Variants in NUP62 observed in about 807,000 individuals in gnomAD.
The protein encoded by NUP62 is nucleoporin 62.
For missense variants in NUP62, 647 were observed against 689.4 expected (o/e 0.94, Z 0.69); for synonymous variants, 305 against 303.4 (o/e 1.01, Z -0.05).
At position 49,909,039 on chromosome 19, in the gene NUP62, T is replaced by G; in HGVS notation, c.769A>C (p.Ser257Arg). ...GAPTAGTQGF[S>R]LKAPGAASGT... ...GAAGCTGCTCCAGGTGCCTTTAAGC[T>G]GAAGCCCTGTGTCCCAGCAGTGGGG... The change falls in exon 3 of 3, where the codon AGC (serine) becomes CGC (arginine). Residue 257 changes from serine (S) to arginine (R), a missense_variant. Ser to Arg is a moderately radical substitution (Grantham distance 110). Coordinates refer to ENST00000352066, the MANE Select transcript of NUP62 (RefSeq NM_016553.5). 1 of 1,613,116 alleles carries G rather than the reference T, an allele frequency of 6.2e-7. No individual in the cohort carries two copies. Among genetic ancestry groups the G allele is most frequent in the Non-Finnish European group, 8.5e-7 (1 of 1,179,998 alleles).
Position 49,908,240 on chromosome 19 carries a change from C to T in NUP62, c.1568G>A (p.Ter523=). The T allele has an allele frequency of 6.2e-7, 1 of 1,613,042 alleles. No individual in the cohort carries two copies. The highest frequency in any genetic ancestry group is 8.5e-7 in the Non-Finnish European group (1 of 1,180,032). Residue 523 remains the stop codon, a stop_retained_variant, in exon 3 of 3, where the codon TGA becomes TAA. Transcript: ENST00000352066. ...TGCGGGCCCCAGGGCTGCTGTCGCT[C>T]AGTCAAAGGTGATCCGGAAGCTGCG... The part of the protein sequence containing the change: ...QERSFRITFD[*]
At chr19:49,928,266 C>G (rs2075957312) in intron 1 of NUP62, 3 of 152,296 alleles carry the variant, frequency 2.0e-5, no homozygotes, top group Admixed American at 2.0e-4. Context: ...GCCTGTAATC[C>G]CAGCACTTTG....
chr19:49,915,509 T>A (rs1004034555), intron 2 of NUP62, among the ~76,000 whole-genome samples: 5 of 152,194 alleles, frequency 3.3e-5, no homozygotes, highest in Non-Finnish European at 7.3e-5. Flanking sequence ...CCATTTAGAC[T>A]CTGGACCCCC....
Position 49,908,172 on chromosome 19 carries a change from A to T in NUP62, c.*67T>A. The T allele has an allele frequency of 6.3e-7, 1 of 1,583,108 alleles. No individual in the cohort carries two copies. The highest frequency in any genetic ancestry group is 8.6e-7 in the Non-Finnish European group (1 of 1,168,502). On this transcript the variant is annotated 3_prime_UTR_variant, in exon 3 of 3. Transcript: ENST00000352066. ...AAGTATCTTGCCACAACCCCAAACTACAGACAACAGGGCGCATTCCCCTCA... is the reference window on the plus strand; with the variant it reads ...AAGTATCTTGCCACAACCCCAAACTTCAGACAACAGGGCGCATTCCCCTCA...
chr19:49,917,105 C>A (rs558152300), intron 2 of NUP62, among the ~76,000 whole-genome samples: 1 of 152,146 alleles, frequency 6.6e-6, no homozygotes, highest in African/African-American at 2.4e-5. Context: ...GAAGTATGAC[C>A]GGTGGAACCA....
intron 2 of NUP62, among the ~76,000 whole-genome samples, 196 bp from the exon 3 acceptor site, chr19:49,910,080 G>C (rs1015065895): frequency 6.6e-6 from 1 of 152,098 alleles, no homozygotes; most frequent in Non-Finnish European, 1.5e-5. Flanking sequence ...CGAGGAGCCG[G>C]GGTGCTAGGG....
rs946852094 is a variant in NUP62, at chr19:49,907,976, G to A, written c.*263C>T. 19 of 618,168 alleles carry A rather than the reference G, an allele frequency of 3.1e-5. No individual in the cohort carries two copies. The highest frequency in any genetic ancestry group is 2.8e-4 in the African/African-American group (15 of 54,392). The allele number at this position is 618,168 out of a possible 1,614,324, so 38.3% of individuals were successfully genotyped here. ...CAGGCTGAGCCAGGATGAGGTGGGT[G>A]GTCGCAGTAGGTGAAAAGGGGCCAA... On this transcript the variant is annotated 3_prime_UTR_variant, in exon 3 of 3. Transcript: ENST00000352066.
At chr19:49,924,812 T>C (rs992470823) in intron 2 of NUP62, among the ~76,000 whole-genome samples, 24 of 152,282 alleles carry the variant, frequency 1.6e-4, no homozygotes, top group African/African-American at 5.5e-4. Flanking sequence ...CTGCTAAGTC[T>C]GGCTGGGCTG....
chr19:49,914,738 T>TG (rs2075579419), intron 2 of NUP62, among the ~76,000 whole-genome samples: 1 of 116,642 alleles, frequency 8.6e-6, no homozygotes, highest in East Asian at 2.4e-4. Flanking sequence ...TTTTTTTTTT[T>TG]TTTTTTTTTT....
chr19:49,927,846 C>T (rs1474178949), intron 1 of NUP62, 31 bp from the exon 2 acceptor site: 2 of 152,270 alleles, frequency 1.3e-5, no homozygotes, highest in African/African-American at 4.8e-5. Flanking sequence ...ACATCCACCT[C>T]GGCTGGTGGA....
At position 49,907,050 on chromosome 19, in the gene NUP62, G is replaced by A. The variant is rs895432901; in HGVS notation, c.*1189C>T. 2 of 154,356 alleles carry A rather than the reference G, an allele frequency of 1.3e-5. No individual in the cohort carries two copies. The highest frequency in any genetic ancestry group is 4.8e-5 in the African/African-American group (2 of 41,452). The allele number at this position is 154,356 out of a possible 1,614,324, so 9.6% of individuals were successfully genotyped here. On this transcript the variant is annotated 3_prime_UTR_variant, in exon 3 of 3. Transcript: ENST00000352066. ...CACTGGAAGCTGTGGCTATTTCTGT[G>A]GACTGACGTTACACTGGGCTTCATT...
intron 2 of NUP62, chr19:49,911,423 A>C (rs2075459724): frequency 6.6e-6 from 1 of 152,182 alleles, no homozygotes; most frequent in Non-Finnish European, 1.5e-5. Context: ...CAAGTGCCTG[A>C]CCCAGAGAAA....
At chr19:49,928,885 G>A (rs150654811) in intron 1 of NUP62, 1 of 152,434 alleles carries the variant, frequency 6.6e-6, no homozygotes, top group Admixed American at 6.5e-5. Flanking sequence ...AAAATCACAG[G>A]AGGAAGCAGG....
chr19:49,908,484 C>T lies in NUP62; in HGVS notation c.1324G>A (p.Ala442Thr), dbSNP rs774201402. 33 of 1,613,998 alleles carry T rather than the reference C, an allele frequency of 2.0e-5. No individual in the cohort carries two copies. Among genetic ancestry groups the T allele is most frequent in the East Asian group, 1.1e-4 (5 of 44,894 alleles). Residue 442 changes from alanine (A) to threonine (T), a missense_variant, in exon 3 of 3, where the codon GCA becomes ACA. Coordinates refer to ENST00000352066, the MANE Select transcript of NUP62 (RefSeq NM_016553.5). The stretch of plus-strand genomic sequence containing the variant: ...TCCTGGGCCATGCGCTTGAGCTGTG[C>T]ATCGATGTTCTCAGCCAGCTTGTAG... ...KTYKLAENID[A>T]QLKRMAQDLK...
intron 2 of NUP62, among the ~76,000 whole-genome samples, chr19:49,922,894 C>T (rs2075798192): frequency 6.6e-6 from 1 of 152,064 alleles, no homozygotes; most frequent in African/African-American, 2.4e-5. Flanking sequence ...CAGGCCTCTT[C>T]CCATGTCAAC....
In NUP62 at chr19:49,909,286, G is replaced by A. The variant is rs771640611; in HGVS notation, c.522C>T (p.Gly174=). Reference sequence around the variant, plus strand: ...TGGGCTGGGCTGAATTCCCTGCTGAGCCAATGTTGAAACCGGAGGGTTGGG... The same window carrying A: ...TGGGCTGGGCTGAATTCCCTGCTGAACCAATGTTGAAACCGGAGGGTTGGG... ...STAQPSGFNI[G]SAGNSAQPTA... The change falls in exon 3 of 3, where the codon GGC becomes GGT. Residue 174 remains glycine (G), a synonymous_variant. Transcript: ENST00000352066. 2.0e-5 allele frequency: 32 copies of A among 1,614,148 alleles called. No individual in the cohort carries two copies. The South Asian group carries it at 2.9e-4, about 14-fold the overall frequency.
At chr19:49,920,110 G>T (rs1045690399) in intron 2 of NUP62, among the ~76,000 whole-genome samples, 1 of 151,476 alleles carries the variant, frequency 6.6e-6, no homozygotes, top group Admixed American at 6.6e-5. Context: ...TTGAGACGGA[G>T]TCTCACTCTG....
intron 2 of NUP62, among the ~76,000 whole-genome samples, chr19:49,919,818 A>G (rs2075720963): frequency 6.6e-6 from 1 of 152,208 alleles, no homozygotes; most frequent in Admixed American, 6.5e-5. Context: ...AAAGGACTGG[A>G]AGAGATTTGA....
chr19:49,917,572 T>TGG (rs975212631), intron 2 of NUP62: 1 of 151,270 alleles, frequency 6.6e-6, no homozygotes, highest in Non-Finnish European at 1.5e-5. Flanking sequence ...AGACCATGAG[T>TGG]GGGTCAGGGT....
Sources: gnomAD v4.1 joint callset for allele counts (sites outside exome capture counted in the v4.1 genomes callset) on GRCh38, gnomAD v4.1.1 for gene constraint, MANE v1.5 for transcripts, NCBI Gene and HGNC (gene_info 2026-07-23, HGNC 2026-07-21) for gene names.